Variants in KAZN observed in about 807,000 individuals in gnomAD.
The protein encoded by KAZN is kazrin, periplakin interacting protein.
In KAZN, 40 loss-of-function variants were observed where a neutral mutation model predicts 87.4. The observed-to-expected ratio is 0.46, with a 90% CI of 0.36 to 0.60. The LOEUF (loss-of-function observed/expected upper bound fraction) is 0.60, where lower values mean the gene tolerates loss of function less well. Among genes scored for constraint, KAZN ranks in the 20% least tolerant of loss-of-function variants. The pLI is 0.00. For missense variants in KAZN, 898 were observed against 1,073.9 expected, an observed-to-expected ratio of 0.84 and a Z score of 2.29; for synonymous variants, 466 against 458.3, an observed-to-expected ratio of 1.02 and a Z score of -0.22.
intron 1 of KAZN, among the ~76,000 whole-genome samples, chr1:14,132,296 G>A (rs894734471): frequency 5.3e-5 from 8 of 152,138 alleles, no homozygotes; most frequent in African/African-American, 1.7e-4. Flanking sequence ...GGGTCAGGGG[G>A]TAGGCTTCAG....
At chr1:14,476,919 C>G (rs1476228070) in intron 2 of KAZN, among the ~76,000 whole-genome samples, 1 of 152,198 alleles carries the variant, frequency 6.6e-6, no homozygotes, top group Non-Finnish European at 1.5e-5. Flanking sequence ...GGCCTTTGCA[C>G]CTCATGTTCC....
intron 1 of KAZN, among the ~76,000 whole-genome samples, chr1:14,868,782 T>A (rs1035221195): frequency 1.3e-5 from 2 of 151,924 alleles, no homozygotes; most frequent in Non-Finnish European, 2.9e-5. Flanking sequence ...AACTCAAGGC[T>A]GCAGTGAGCT....
chr1:14,593,195 G>A (rs1248431465), intron 2 of KAZN, among the ~76,000 whole-genome samples: 2 of 152,230 alleles, frequency 1.3e-5, no homozygotes, highest in African/African-American at 2.4e-5. Flanking sequence ...ATTAAGATGT[G>A]ACTAGAATTC....
intron 2 of KAZN, among the ~76,000 whole-genome samples, chr1:14,473,927 A>G (rs1360080436): frequency 1.3e-5 from 2 of 152,164 alleles, no homozygotes; most frequent in African/African-American, 2.4e-5. Context: ...GCTTTCCTTG[A>G]TCAGGTGATC....
chr1:14,160,176 C>G (rs1312681412), intron 1 of KAZN, among the ~76,000 whole-genome samples: 1 of 152,198 alleles, frequency 6.6e-6, no homozygotes, highest in Admixed American at 6.5e-5. Context: ...GACTGCCTTT[C>G]AGGTTTATTT....
chr1:15,109,669 A>G (rs199780767), intron 13 of KAZN, among the ~76,000 whole-genome samples: 10 of 150,364 alleles, frequency 6.7e-5, no homozygotes, highest in Non-Finnish European at 1.3e-4. Flanking sequence ...ATGTGTTTAT[A>G]TGTGTGTATA....
intron 2 of KAZN, among the ~76,000 whole-genome samples, chr1:14,422,403 A>C (rs774368218): frequency 7.2e-5 from 11 of 152,244 alleles, no homozygotes; most frequent in Non-Finnish European, 1.5e-4. Context: ...ACGTAGGTAA[A>C]GTATGAGGCT....
chr1:14,596,889 G>C (rs1409217752), upstream of KAZN, among the ~76,000 whole-genome samples: 2 of 152,220 alleles, frequency 1.3e-5, no homozygotes, highest in Non-Finnish European at 2.9e-5. Context: ...AATGAACAGT[G>C]CTGCTATGAA....
chr1:14,977,674 G>A (rs866405324), intron 2 of KAZN, among the ~76,000 whole-genome samples: 2 of 152,180 alleles, frequency 1.3e-5, no homozygotes, highest in African/African-American at 2.4e-5. Context: ...TGCAGATTGC[G>A]GGAGACTCAC....
At chr1:14,747,670 T>G (rs75251548) in intron 1 of KAZN, among the ~76,000 whole-genome samples, 3 of 152,208 alleles carry the variant, frequency 2.0e-5, no homozygotes, top group Non-Finnish European at 4.4e-5. Flanking sequence ...TTATGAACAT[T>G]AAATACAAGT....
rs1394022562 is a variant in KAZN, at chr1:14,522,614, G to A, written c.250-76369G>A. ...GCCCGAGAAAAGAACAAATGCAAATGGGTGTTGACGTGGACTGCCCATCCT... is the reference window on the plus strand; with the variant it reads ...GCCCGAGAAAAGAACAAATGCAAATAGGTGTTGACGTGGACTGCCCATCCT... On this transcript the variant is annotated intron_variant, in intron 2 of 16. Transcript: ENST00000636203. Among the ~76,000 whole-genome samples, 3 of 152,150 alleles carry A rather than the reference G, an allele frequency of 2.0e-5. No individual in the cohort carries two copies. In the East Asian group the frequency reaches 5.8e-4, roughly 29 times the overall value.
At position 14,773,617 on chromosome 1, in the gene KAZN, C is replaced by T. The variant is rs77905938; in HGVS notation, c.226+174394C>T. 0.031 allele frequency among the ~76,000 whole-genome samples: 4,677 copies of T among 152,280 alleles called. 90 individuals carry two copies. Among genetic ancestry groups the T allele is most frequent in the South Asian group, 0.098 (470 of 4,814 alleles). ...ATAGGGAGTTGGAAATGAGGTCAGG[C>T]ACCCGCCACCCGGTTCTCCTTCTTC... On this transcript the variant is annotated intron_variant, in intron 1 of 14. Transcript: ENST00000376030. This position sits in a 1 kb window ranked among gnomAD's most constrained non-coding sequence, Gnocchi z 5.9.
At chr1:13,930,953 G>T (rs139936958) in intron 1 of KAZN, among the ~76,000 whole-genome samples, 1 of 152,116 alleles carries the variant, frequency 6.6e-6, no homozygotes, top group Admixed American at 6.5e-5. Context: ...TGGCCTTGTG[G>T]GTCCTGGCTC....
chr1:14,484,157 T>C (rs1173118438), intron 2 of KAZN, among the ~76,000 whole-genome samples: 1 of 152,226 alleles, frequency 6.6e-6, no homozygotes, highest in Non-Finnish European at 1.5e-5. Flanking sequence ...GGTGTTTTAA[T>C]TACTCTAGCT....
chr1:14,146,718 A>G (rs1434998113), intron 1 of KAZN, among the ~76,000 whole-genome samples: 6 of 151,672 alleles, frequency 4.0e-5, no homozygotes, highest in African/African-American at 1.2e-4. Flanking sequence ...AAAAAAAAAA[A>G]AAAAGAATGC....
chr1:14,896,421 C>T (rs998118797), intron 1 of KAZN, among the ~76,000 whole-genome samples: 1 of 152,174 alleles, frequency 6.6e-6, no homozygotes, highest in Admixed American at 6.5e-5. Context: ...AATATCAGTT[C>T]GGGTTTCACA....
At chr1:14,546,643 T>C (rs929025787) in intron 2 of KAZN, among the ~76,000 whole-genome samples, 27 of 152,162 alleles carry the variant, frequency 1.8e-4, no homozygotes, top group Admixed American at 1.8e-3. Context: ...GCCACTAAAC[T>C]GCTTTCTATT....
intron 8 of KAZN, among the ~76,000 whole-genome samples, chr1:15,092,914 T>G (rs555227763): frequency 2.1e-5 from 3 of 142,472 alleles, no homozygotes; most frequent in South Asian, 2.2e-4. Context: ...AAAATGTTGG[T>G]GGATGAACTT....
At chr1:14,379,016 A>G (rs373547135) in intron 2 of KAZN, among the ~76,000 whole-genome samples, 3 of 148,314 alleles carry the variant, frequency 2.0e-5, no homozygotes, top group Non-Finnish European at 1.5e-5. Context: ...AAGATGGAAG[A>G]CTAAAGAAGA....
Sources: gnomAD v4.1 joint callset for allele counts (sites outside exome capture counted in the v4.1 genomes callset) on GRCh38, gnomAD v4.1.1 for gene constraint, Gnocchi (gnomAD v3.1) non-coding constraint, MANE v1.5 for transcripts, NCBI Gene and HGNC (gene_info 2026-07-23, HGNC 2026-07-21) for gene names.